The following PARP8 variants were observed in gnomAD, a reference collection of about 807,000 sequenced individuals.
The protein encoded by PARP8 is poly(ADP-ribose) polymerase family member 8.
In PARP8, 51 loss-of-function variants were observed where a neutral mutation model predicts 124.1. The ratio of observed to expected loss-of-function variants is 0.41; its 90% CI spans 0.33 to 0.52. The LOEUF (loss-of-function observed/expected upper bound fraction) is 0.52, where lower values mean the gene tolerates loss of function less well. Ranked by LOEUF, PARP8 falls within the 20% of genes least tolerant of loss-of-function variation. The probability of loss-of-function intolerance (pLI) is 0.21; values close to 1 mark genes in which losing one functional copy is unlikely to be tolerated. For synonymous variants in PARP8, 391 were observed against 361.5 expected (o/e 1.08, Z -0.93); for missense variants, 860 against 1,018.9 (o/e 0.84, Z 2.12).
rs1748379895 is a variant in PARP8 at position 50,843,493 on chromosome 5, T to C, written c.*1425T>C. On this transcript the variant is annotated 3_prime_UTR_variant, in exon 26 of 26. Coordinates refer to ENST00000281631, the MANE Select transcript of PARP8 (RefSeq NM_024615.4). ...ATACATGTTGTTAAGGGTAGCAGTTTAGGAAGTGTTTTCTAATAATTTGTT... is the reference window on the plus strand; with the variant it reads ...ATACATGTTGTTAAGGGTAGCAGTTCAGGAAGTGTTTTCTAATAATTTGTT... 1 of 151,822 alleles carries C rather than the reference T, an allele frequency of 6.6e-6. No individual in the cohort carries two copies. Among genetic ancestry groups the C allele is most frequent in the Admixed American group, 6.6e-5 (1 of 15,186 alleles). The allele number at this position is 151,822 out of a possible 1,614,324, so 9.4% of individuals were successfully genotyped here.
chr5:50,719,009 G>T (rs1755606188), intron 2 of PARP8, among the ~76,000 whole-genome samples: 1 of 151,962 alleles, frequency 6.6e-6, no homozygotes, highest in Admixed American at 6.6e-5. Context: ...GCCATTTTAA[G>T]TGGGGTGAGA....
intron 7 of PARP8, among the ~76,000 whole-genome samples, chr5:50,770,028 TA>T (rs1368670678): frequency 6.6e-6 from 1 of 152,134 alleles, no homozygotes; most frequent in Non-Finnish European, 1.5e-5. Flanking sequence ...TCTATTTTCT[TA>T]AAAATATCAT....
At chr5:50,751,196 A>T (rs1759221062) in intron 3 of PARP8, among the ~76,000 whole-genome samples, 1 of 152,146 alleles carries the variant, frequency 6.6e-6, no homozygotes, top group Non-Finnish European at 1.5e-5. Flanking sequence ...ATGGTAGAAG[A>T]TGCCTTTAGT....
intron 25 of PARP8, among the ~76,000 whole-genome samples, chr5:50,835,707 A>C (rs1747501711): frequency 6.6e-6 from 1 of 152,222 alleles, no homozygotes; most frequent in African/African-American, 2.4e-5. Flanking sequence ...GGTCTGTCCT[A>C]TAAAAGATTG....
intron 9 of PARP8, among the ~76,000 whole-genome samples, chr5:50,781,566 AC>A (rs1740680914): frequency 6.6e-6 from 1 of 152,028 alleles, no homozygotes; most frequent in Non-Finnish European, 1.5e-5. Flanking sequence ...CTGGTGCCCT[AC>A]CCTGTTCCCC....
intron 2 of PARP8, among the ~76,000 whole-genome samples, chr5:50,690,559 T>G (rs1752384937): frequency 6.6e-6 from 1 of 152,148 alleles, no homozygotes; most frequent in Non-Finnish European, 1.5e-5. Context: ...TTCCTCTCAA[T>G]TTTACCTCTT....
intron 2 of PARP8, among the ~76,000 whole-genome samples, chr5:50,709,930 A>ATC (rs1754571109): frequency 1.8e-5 from 1 of 56,738 alleles, no homozygotes. Flanking sequence ...GTGTATATAT[A>ATC]TATATATATA....
At chr5:50,697,401 G>C (rs1010436555) in intron 2 of PARP8, among the ~76,000 whole-genome samples, 2 of 152,208 alleles carry the variant, frequency 1.3e-5, no homozygotes, top group Non-Finnish European at 2.9e-5. Flanking sequence ...CAAATCCTGT[G>C]CAGCAGGATT....
At chr5:50,712,553 T>A (rs114297540) in intron 2 of PARP8, among the ~76,000 whole-genome samples, 1,536 of 152,252 alleles carry the variant, frequency 0.01, 22 homozygotes, top group African/African-American at 0.035. Context: ...ATTTTTAAAT[T>A]ATTGTAGTTC....
intron 15 of PARP8, among the ~76,000 whole-genome samples, chr5:50,818,296 C>T (rs1745345917): frequency 2.0e-5 from 3 of 150,764 alleles, no homozygotes; most frequent in African/African-American, 4.9e-5. Context: ...TTGGTGCAAT[C>T]TCAGTCATTG....
At chr5:50,697,131 C>G (rs1344865318) in intron 2 of PARP8, among the ~76,000 whole-genome samples, 2 of 152,092 alleles carry the variant, frequency 1.3e-5, no homozygotes, top group African/African-American at 4.8e-5. Flanking sequence ...CCAGGCATGC[C>G]TATAATCCCA....
intron 2 of PARP8, among the ~76,000 whole-genome samples, chr5:50,676,113 G>T (rs1750607399): frequency 6.6e-6 from 1 of 152,234 alleles, no homozygotes; most frequent in Non-Finnish European, 1.5e-5. Context: ...TCCAAGATGT[G>T]AGTGAAGTAT....
rs1258878233 is a variant in PARP8, at chr5:50,690,832, C to A, written c.146+22707C>A. 3.3e-5 allele frequency among the ~76,000 whole-genome samples: 5 copies of A among 152,118 alleles called. No individual in the cohort carries two copies. The East Asian group carries it at 9.6e-4, about 29-fold the overall frequency. Reference sequence around the variant, plus strand: ...ATAAATAATGTTAAATAGTGGGAAACAAACACTCTCTTTCTTTGTTCAGTT... The same window carrying A: ...ATAAATAATGTTAAATAGTGGGAAAAAAACACTCTCTTTCTTTGTTCAGTT... On this transcript the variant is annotated intron_variant, in intron 2 of 25. Coordinates refer to ENST00000281631, the MANE Select transcript of PARP8 (RefSeq NM_024615.4).
At chr5:50,695,114 C>G (rs1752889037) in intron 2 of PARP8, among the ~76,000 whole-genome samples, 1 of 152,210 alleles carries the variant, frequency 6.6e-6, no homozygotes, top group East Asian at 1.9e-4. Context: ...CCCTCACAGA[C>G]ACACCCAAGA....
At chr5:50,684,516 T>C (rs887617335) in intron 2 of PARP8, among the ~76,000 whole-genome samples, 1 of 151,858 alleles carries the variant, frequency 6.6e-6, no homozygotes, top group Admixed American at 6.6e-5. Context: ...TTCATATATA[T>C]AAAATATATT....
At chr5:50,819,540 A>C (rs553360187) in intron 15 of PARP8, among the ~76,000 whole-genome samples, 34 of 143,072 alleles carry the variant, frequency 2.4e-4, no homozygotes, top group African/African-American at 9.0e-4. Context: ...TCCCGGGTTC[A>C]AGCAGTACTC....
chr5:50,676,024 T>C (rs1750595057), intron 2 of PARP8, among the ~76,000 whole-genome samples: 1 of 152,258 alleles, frequency 6.6e-6, no homozygotes, highest in African/African-American at 2.4e-5. Context: ...CAAATATGTC[T>C]AGGAAATGCT....
intron 14 of PARP8, among the ~76,000 whole-genome samples, chr5:50,811,893 C>T (rs1456885873): frequency 6.6e-6 from 1 of 152,140 alleles, no homozygotes; most frequent in Non-Finnish European, 1.5e-5. Context: ...CCAGCTTCAT[C>T]CATGTTGCTA....
At chr5:50,725,165 T>TAA (rs1756304924) in intron 2 of PARP8, among the ~76,000 whole-genome samples, 1 of 151,394 alleles carries the variant, frequency 6.6e-6, no homozygotes, top group African/African-American at 2.4e-5. Flanking sequence ...TATATATATA[T>TAA]AAAACATGTT....
Sources: allele counts gnomAD v4.1 joint callset (sites outside exome capture counted in the v4.1 genomes callset), GRCh38; gene constraint gnomAD v4.1.1; transcripts MANE v1.5; gene names NCBI Gene and HGNC (gene_info 2026-07-23, HGNC 2026-07-21).